HEATR5A: variants seen among roughly 807,000 people sequenced by gnomAD.
HEATR5A encodes HEAT repeat-containing protein 5A.
A neutral mutation model predicts 218.8 loss-of-function variants in HEATR5A; 178 were observed. The observed-to-expected ratio is 0.81, with a 90% CI of 0.72 to 0.92. The LOEUF is 0.92. HEATR5A is among the 40% of genes least tolerant of loss of function. HEATR5A has a pLI of 0.00. For missense variants in HEATR5A, 2,420 were observed against 2,418.9 expected, an observed-to-expected ratio of 1.00 and a Z score of -0.01; for synonymous variants, 864 against 871.6, an observed-to-expected ratio of 0.99 and a Z score of 0.15.
intron 33 of HEATR5A, 125 bp downstream of exon 33, chr14:31,302,170 G>T: frequency 1.5e-6 from 1 of 686,898 alleles, no homozygotes; most frequent in Non-Finnish European, 2.5e-6. Flanking sequence ...TAAACACATA[G>T]TATTGAATAT....
intron 33 of HEATR5A, among the ~76,000 whole-genome samples, chr14:31,299,724 AAAAC>A (rs552493306): frequency 8.6e-5 from 13 of 151,236 alleles, no homozygotes; most frequent in South Asian, 2.1e-4. Context: ...ACTCCGTCTC[AAAAC>A]AAACAAACAA....
At chr14:31,368,173 T>C (rs1315510509) in intron 13 of HEATR5A, among the ~76,000 whole-genome samples, 2 of 150,008 alleles carry the variant, frequency 1.3e-5, no homozygotes, top group African/African-American at 2.5e-5. Context: ...AGTTTGGCCC[T>C]TTTTTTTTGC....
chr14:31,308,165 A>C (rs1899615193), intron 29 of HEATR5A, 145 bp from the exon 30 acceptor site: 1 of 759,476 alleles, frequency 1.3e-6, no homozygotes, highest in Non-Finnish European at 2.1e-6. Context: ...AAGACTAAAC[A>C]ATTAAATGAC....
Position 31,336,213 on chromosome 14 carries a change from CATACATATATATATATATATATATATAT to C in HEATR5A, c.3367+1235_3367+1262del, listed in dbSNP as rs1403892310. ...AGGGGGTTATTTTTATATATACATA[CATACATATATATATATATATATATATAT>C]ATATATATATATATATATATATAAT... is the stretch of plus-strand genomic sequence containing the variant. On this transcript the variant is annotated intron_variant, in intron 22 of 35. Transcript: ENST00000543095. Among the ~76,000 whole-genome samples the C allele has an allele frequency of 1.6e-3, 147 of 90,744 alleles. 4 individuals carry two copies. Among genetic ancestry groups the C allele is most frequent in the East Asian group, 3.3e-3 (9 of 2,696 alleles). 59.5% of individuals were successfully genotyped at this position (90,744 alleles called of 152,430 possible).
rs1273598079 is a variant in HEATR5A at position 31,294,045 on chromosome 14, A to G, written c.5679T>C (p.Val1893=). 6.2e-7 allele frequency: 1 copy of G among 1,604,018 alleles called. No individual in the cohort carries two copies. Among genetic ancestry groups the G allele is most frequent in the South Asian group, 1.1e-5 (1 of 88,872 alleles). Residue 1893 remains valine, a synonymous_variant, in exon 35 of 36, where the codon GTT becomes GTC. Transcript: ENST00000543095. The stretch of plus-strand genomic sequence containing the variant: ...CTAAAGAGTAAATGTATGGGTAGGA[A>G]ACAGCTGGATTTGGATACTGAAAGA... ...HSIFQYPNPA[V]SYPYIYSLAS...
intron 4 of HEATR5A, among the ~76,000 whole-genome samples, chr14:31,397,976 T>A (rs1398442832): frequency 1.3e-5 from 2 of 152,198 alleles, no homozygotes; most frequent in Middle Eastern, 3.2e-3. Flanking sequence ...GGTGCTAAGT[T>A]GTCCTTACAT....
chr14:31,394,270 A>C (rs1028116444), intron 5 of HEATR5A, 44 bp from the exon 6 acceptor site: 2 of 1,279,562 alleles, frequency 1.6e-6, no homozygotes, highest in South Asian at 3.2e-5. Flanking sequence ...ATAAAATACA[A>C]ATGTCAGGTT....
Position 31,308,964 on chromosome 14 carries a change from C to T in HEATR5A, c.4660G>A (p.Val1554Ile), listed in dbSNP as rs1455131540. 6.2e-7 allele frequency: 1 copy of T among 1,613,368 alleles called. No homozygotes were observed. Among genetic ancestry groups the T allele is most frequent in the East Asian group, 2.2e-5 (1 of 44,884 alleles). ...ATAAGATGGAATCTATCAGTGTAGA[C>T]ATCCTCAGGGGACTTTATGGTAGCC... ...SGATIKSPEDVYTDRFHLILG... is the reference protein window; with the variant it reads ...SGATIKSPEDIYTDRFHLILG... The change falls in exon 29 of 36, where the codon GTC becomes ATC. Residue 1554 changes from valine (V) to isoleucine (I), a missense_variant. Coordinates refer to ENST00000543095, the MANE Select transcript of HEATR5A (RefSeq NM_015473.4).
chr14:31,300,452 T>C (rs1036491466), intron 33 of HEATR5A, among the ~76,000 whole-genome samples: 4 of 152,122 alleles, frequency 2.6e-5, no homozygotes, highest in Non-Finnish European at 5.9e-5. Context: ...CTTTAAGGCG[T>C]TGACTCTTCT....
intron 4 of HEATR5A, among the ~76,000 whole-genome samples, chr14:31,395,947 C>T (rs527318766): frequency 6.6e-6 from 1 of 152,194 alleles, no homozygotes; most frequent in Admixed American, 6.5e-5. Flanking sequence ...CTGTGACCCG[C>T]AGTAACTTTG....
chr14:31,375,651 T>C lies in HEATR5A; in HGVS notation c.1709-683A>G, dbSNP rs566456746. 3.3e-5 allele frequency among the ~76,000 whole-genome samples: 5 copies of C among 152,188 alleles called. No homozygotes were observed. In the East Asian group the frequency reaches 9.7e-4, roughly 29 times the overall value. ...TCCTGGGCTCAAGCAATCCACCCAC[T>C]TCAGCCTCCCAAAGTGCTGGAATTA... On this transcript the variant is annotated intron_variant, in intron 11 of 35. Coordinates refer to ENST00000543095, the MANE Select transcript of HEATR5A (RefSeq NM_015473.4).
In HEATR5A at chr14:31,293,947, A is replaced by T; in HGVS notation, c.5777T>A (p.Phe1926Tyr). 6.2e-7 allele frequency: 1 copy of T among 1,608,258 alleles called. No individual in the cohort carries two copies. The highest frequency in any genetic ancestry group is 1.7e-5 in the Admixed American group (1 of 59,148). ...TTCTAAGACCTTTATGCCTTCTTGG[A>T]AGATCTCAAGCTCAGCAGTGTTTTC... ...KPENTAELEI[F>Y]QEGIKVLETL... Residue 1926 changes from phenylalanine (F) to tyrosine (Y), a missense_variant, in exon 35 of 36, where the codon TTC becomes TAC. Coordinates refer to ENST00000543095, the MANE Select transcript of HEATR5A (RefSeq NM_015473.4).
intron 28 of HEATR5A, 22 bp downstream of exon 28, chr14:31,312,946 T>G (rs370155968): frequency 6.5e-7 from 1 of 1,530,766 alleles, no homozygotes; most frequent in Non-Finnish European, 9.0e-7. Flanking sequence ...CTAGGAATTA[T>G]CTAAGTATTT....
intron 1 of HEATR5A, among the ~76,000 whole-genome samples, chr14:31,406,783 C>A (rs1015143556): frequency 2.6e-5 from 4 of 151,856 alleles, no homozygotes; most frequent in Admixed American, 2.0e-4. Flanking sequence ...CATGGTGAAA[C>A]CCTGTCTCTA....
chr14:31,396,776 C>T (rs2139298534), intron 4 of HEATR5A, among the ~76,000 whole-genome samples: 1 of 152,098 alleles, frequency 6.6e-6, no homozygotes, highest in Non-Finnish European at 1.5e-5. Flanking sequence ...AATCAAAGAT[C>T]AAAAGTAGGG....
chr14:31,361,406 A>G (rs528177461), intron 14 of HEATR5A, among the ~76,000 whole-genome samples: 82 of 152,334 alleles, frequency 5.4e-4, no homozygotes, highest in Middle Eastern at 3.4e-3. Context: ...GTGAAGTCAT[A>G]ATGACTGAGC....
At chr14:31,331,494 A>C (rs1346763197) in intron 22 of HEATR5A, among the ~76,000 whole-genome samples, 1 of 152,110 alleles carries the variant, frequency 6.6e-6, no homozygotes, top group Non-Finnish European at 1.5e-5. Flanking sequence ...AGACTTTGCC[A>C]CATCTTCCTG....
At chr14:31,302,034 T>C (rs184775187) in intron 33 of HEATR5A, among the ~76,000 whole-genome samples, 163 of 151,818 alleles carry the variant, frequency 1.1e-3, no homozygotes, top group East Asian at 2.5e-3. Flanking sequence ...GGTTTCACCA[T>C]GTTGCCCAGC....
intron 2 of HEATR5A, among the ~76,000 whole-genome samples, chr14:31,402,631 A>C (rs1020930299): frequency 2.0e-5 from 3 of 152,210 alleles, no homozygotes; most frequent in Non-Finnish European, 4.4e-5. Context: ...TACCAAAAAC[A>C]TTAGCTAATT....
Sources: allele counts gnomAD v4.1 joint callset (sites outside exome capture counted in the v4.1 genomes callset), GRCh38; gene constraint gnomAD v4.1.1; transcripts MANE v1.5; gene names NCBI Gene and HGNC (gene_info 2026-07-23, HGNC 2026-07-21).